Variants in ZNF777 observed in about 807,000 individuals in gnomAD.
ZNF777 encodes zinc finger protein 777.
A neutral mutation model predicts 72.1 loss-of-function variants in ZNF777; 7 were observed. That is an observed-to-expected ratio of 0.10 (90% CI 0.06 to 0.18). The LOEUF (loss-of-function observed/expected upper bound fraction) is 0.18, where lower values mean the gene tolerates loss of function less well. ZNF777 is among the 10% of genes least tolerant of loss of function. ZNF777 has a pLI of 1.00. For missense variants in ZNF777, 828 were observed against 1,128.6 expected (o/e 0.73, Z 3.82); for synonymous variants, 545 against 483.5 (o/e 1.13, Z -1.67).
rs572787627 is a variant in ZNF777, at chr7:149,455,065, A to G, written c.846+112T>C. The stretch of plus-strand genomic sequence containing the variant: ...TTGGCATGTCCTAGCAACTGGGATC[A>G]CTGTATTTTTTCCTTTATCAACCAC... On this transcript the variant is annotated intron_variant, in intron 2 of 5. Coordinates refer to ENST00000247930, the MANE Select transcript of ZNF777 (RefSeq NM_015694.3). This position sits in a 1 kb window ranked among gnomAD's most constrained non-coding sequence, Gnocchi z 4.2. The G allele has an allele frequency of 2.5e-5, 33 of 1,313,902 alleles. 1 individual carries two copies. The highest frequency in any genetic ancestry group is 2.5e-4 in the Admixed American group (11 of 44,260). 81.4% of individuals were successfully genotyped at this position (1,313,902 alleles called of 1,614,324 possible). A position where few individuals can be genotyped will look rare whatever the true frequency, so the allele number is the denominator to read the frequency against.
In ZNF777 at chr7:149,432,119, C is replaced by T. The variant is rs1489690809; in HGVS notation, c.2153G>A (p.Gly718Asp). The change falls in exon 6 of 6, where the codon GGC (glycine) becomes GAC (aspartate). Residue 718 changes from glycine to aspartate, a missense_variant. Gly to Asp is a moderately conservative substitution (Grantham distance 94). This residue lies in a region of ZNF777 where 49 missense variants were observed against 135.8 expected (regional missense o/e 0.36). Transcript: ENST00000247930. ...CTCGGGGCACTTGAAGGGCCGCTCG[C>T]CTGTGTGAGTCCGCTGGTGGCGCAG... ...HLLRHQRTHT[G>D]ERPFKCPECE... 6.2e-7 allele frequency: 1 copy of T among 1,605,670 alleles called. No homozygotes were observed. Among genetic ancestry groups the T allele is most frequent in the Non-Finnish European group, 8.5e-7 (1 of 1,179,912 alleles).
intron 4 of ZNF777, among the ~76,000 whole-genome samples, chr7:149,437,813 T>C (rs1799443996): frequency 6.6e-6 from 1 of 150,390 alleles, no homozygotes; most frequent in African/African-American, 2.4e-5. Flanking sequence ...TTCTTTTTTT[T>C]TTTTTTTTGT....
chr7:149,435,331 C>T (rs368091710), intron 5 of ZNF777, among the ~76,000 whole-genome samples: 161 of 152,208 alleles, frequency 1.1e-3, no homozygotes, highest in Non-Finnish European at 1.8e-3. Context: ...CCACCATTCC[C>T]GGCTAATTTT....
intron 1 of ZNF777, among the ~76,000 whole-genome samples, chr7:149,456,406 C>T (rs1014408256): frequency 3.3e-5 from 5 of 152,150 alleles, no homozygotes; most frequent in African/African-American, 1.2e-4. Context: ...CTGGATCGGT[C>T]GTTTGACCTC....
At chr7:149,452,518 A>C (rs1799742300) in intron 3 of ZNF777, among the ~76,000 whole-genome samples, 1 of 150,804 alleles carries the variant, frequency 6.6e-6, no homozygotes, top group South Asian at 2.1e-4. Context: ...CTGTAGTCCC[A>C]GCTACTCGGG....
intron 2 of ZNF777, among the ~76,000 whole-genome samples, chr7:149,454,781 ACTCATAAAAATGTGGAGTGGG>A (rs1288524384): frequency 2.0e-5 from 3 of 152,216 alleles, no homozygotes; most frequent in African/African-American, 7.2e-5. Flanking sequence ...TTATAAGTGA[ACTCATAAAAATGTGGAGTGGG>A]ACAGATCCTT....
At chr7:149,456,132 T>C (rs557359300) in intron 1 of ZNF777, 95 bp from the exon 2 acceptor site, 1 of 1,362,316 alleles carries the variant, frequency 7.3e-7, no homozygotes, top group Non-Finnish European at 9.7e-7. Flanking sequence ...AAAAAGTGCT[T>C]CCGTTTGGTA....
chr7:149,445,054 CTTT>C (rs1370998424), intron 4 of ZNF777, among the ~76,000 whole-genome samples: 1 of 152,044 alleles, frequency 6.6e-6, no homozygotes, highest in Non-Finnish European at 1.5e-5. Flanking sequence ...CCCTTCCATC[CTTT>C]ATTTTTATTT....
rs769825785 is a variant in ZNF777 at position 149,431,785 on chromosome 7, C to A, written c.2487G>T (p.Thr829=). 6.3e-7 allele frequency: 1 copy of A among 1,591,370 alleles called. No individual in the cohort carries two copies. The highest frequency in any genetic ancestry group is 1.7e-4 in the Middle Eastern group (1 of 5,986). Residue 829 remains threonine (T), a synonymous_variant, in exon 6 of 6, where the codon ACG becomes ACT. Transcript: ENST00000247930. The stretch of plus-strand genomic sequence containing the variant: ...GCGGCGGGGCGCGCGCTCACTCGCC[C>A]GTGTGGGTCCGCAGGTGGTACTTGA... ...QSLKYHLRTH[T]GE is the part of the protein sequence containing the mutation.
intron 4 of ZNF777, among the ~76,000 whole-genome samples, chr7:149,449,524 A>G (rs1334758601): frequency 6.6e-6 from 1 of 152,202 alleles, no homozygotes; most frequent in Non-Finnish European, 1.5e-5. Context: ...CCTGAACCGC[A>G]AGGCCCCGTT....
At chr7:149,438,907 A>ACC (rs968697806) in intron 4 of ZNF777, among the ~76,000 whole-genome samples, 18 of 150,660 alleles carry the variant, frequency 1.2e-4, no homozygotes, top group Admixed American at 4.0e-4. Flanking sequence ...GTTCTCATTT[A>ACC]CCCCCCCGCC....
chr7:149,455,039 T>A lies in ZNF777; in HGVS notation c.846+138A>T, dbSNP rs1799797260. ...TCATCAACAGGAGAAATAATTTGAT[T>A]TTGGCATGTCCTAGCAACTGGGATC... is the stretch of plus-strand genomic sequence containing the variant. On this transcript the variant is annotated intron_variant, in intron 2 of 5. Coordinates refer to ENST00000247930, the MANE Select transcript of ZNF777 (RefSeq NM_015694.3). This position sits in a 1 kb window ranked among gnomAD's most constrained non-coding sequence, Gnocchi z 4.2. 6.5e-6 allele frequency: 7 copies of A among 1,074,238 alleles called. No individual in the cohort carries two copies. In the South Asian group the frequency reaches 1.1e-4, roughly 17 times the overall value. 66.5% of individuals were successfully genotyped at this position (1,074,238 alleles called of 1,614,324 possible).
intron 4 of ZNF777, among the ~76,000 whole-genome samples, chr7:149,442,773 A>C (rs1053459021): frequency 6.6e-6 from 1 of 152,262 alleles, no homozygotes; most frequent in Non-Finnish European, 1.5e-5. Context: ...TTATTCACAG[A>C]GTAGTAAGAC....
chr7:149,432,517 G>C lies in ZNF777; in HGVS notation c.1755C>G (p.His585Gln). Residue 585 changes from histidine to glutamine, a missense_variant, in exon 6 of 6, where the codon CAC (histidine) becomes CAG (glutamine). Coordinates refer to ENST00000247930, the MANE Select transcript of ZNF777 (RefSeq NM_015694.3). ...GCTGGTGCAGCGTGAGCTGTTGCTT[G>C]TGCCGGAAGCTGATCTCGCATTCGG... ...ECAECEISFR[H>Q]KQQLTLHQRI... 6.2e-7 allele frequency: 1 copy of C among 1,613,884 alleles called. No individual in the cohort carries two copies. Among genetic ancestry groups the C allele is most frequent in the Non-Finnish European group, 8.5e-7 (1 of 1,179,878 alleles).
Position 149,460,085 on chromosome 7 carries a change from C to G in ZNF777, c.-16+730G>C, listed in dbSNP as rs987546317. ...GACACGCAGGCCGTCCCCGGGGCCC[C>G]GAGGCCGCGCGTCCGTGCGCGCGCG... On this transcript the variant is annotated intron_variant, in intron 1 of 5. Coordinates refer to ENST00000247930, the MANE Select transcript of ZNF777 (RefSeq NM_015694.3). The surrounding 1 kb of genome is among the most constrained non-coding windows in gnomAD (Gnocchi z 6.1). 3.4e-5 allele frequency: 33 copies of G among 982,150 alleles called. No individual in the cohort carries two copies. The African/African-American group carries it at 5.6e-4, about 17-fold the overall frequency. 60.8% of individuals were successfully genotyped at this position (982,150 alleles called of 1,614,324 possible).
chr7:149,456,833 T>A (rs990835339), intron 1 of ZNF777, among the ~76,000 whole-genome samples: 1 of 152,238 alleles, frequency 6.6e-6, no homozygotes, highest in African/African-American at 2.4e-5. Context: ...AAACATCTTC[T>A]ATGTGCCCGG....
chr7:149,447,934 TTAATATAG>T (rs1799633671), intron 4 of ZNF777, among the ~76,000 whole-genome samples: 1 of 152,094 alleles, frequency 6.6e-6, no homozygotes. Flanking sequence ...GGCCTCAGGG[TTAATATAG>T]TTCTTGACAC....
At chr7:149,459,706 C>T in intron 1 of ZNF777, 2 of 985,146 alleles carry the variant, frequency 2.0e-6, no homozygotes, top group Non-Finnish European at 2.4e-6. Context: ...GGTGTCTGTG[C>T]CTCAGTGTCT....
At chr7:149,433,098 TC>T (rs937300758) in intron 5 of ZNF777, among the ~76,000 whole-genome samples, 166 bp from the exon 6 acceptor site, 6 of 152,132 alleles carry the variant, frequency 3.9e-5, no homozygotes, top group African/African-American at 1.4e-4. Context: ...TCCGCTCCCC[TC>T]CCCCAACGGG....
Sources: gnomAD v4.1 joint callset for allele counts (sites outside exome capture counted in the v4.1 genomes callset) on GRCh38, gnomAD v4.1.1 for gene constraint, gnomAD v4.1.1 regional missense constraint, Gnocchi (gnomAD v3.1) non-coding constraint, MANE v1.5 for transcripts, NCBI Gene and HGNC (gene_info 2026-07-23, HGNC 2026-07-21) for gene names.